BMP5: variants seen among roughly 807,000 people sequenced by gnomAD.
BMP5 encodes bone morphogenetic protein 5.
A neutral mutation model predicts 46.6 loss-of-function variants in BMP5; 23 were observed. The ratio of observed to expected loss-of-function variants is 0.49; its 90% CI spans 0.35 to 0.70. The LOEUF is 0.70. Ranked by LOEUF, BMP5 falls within the 30% of genes least tolerant of loss-of-function variation. The pLI, the probability that BMP5 is intolerant of heterozygous loss-of-function variation, is 0.00. For synonymous variants in BMP5, 204 were observed against 191.9 expected (o/e 1.06, Z -0.52); for missense variants, 545 against 565.6 (o/e 0.96, Z 0.37).
Position 55,874,401 on chromosome 6 carries a change from G to A in BMP5, c.465C>T (p.Asp155=). ...CTAAGTTGACAAAGCTCATGACCAT[G>A]TCAGCATCATTCAGAAAGTTGGTAT... The part of the protein sequence containing the change: ...LHDTNFLNDA[D]MVMSFVNLVE... Residue 155 remains aspartate, a synonymous_variant, in exon 1 of 7, where the codon GAC becomes GAT. Coordinates refer to ENST00000370830, the MANE Select transcript of BMP5 (RefSeq NM_021073.4). 1 of 1,613,152 alleles carries A rather than the reference G, an allele frequency of 6.2e-7. No homozygotes were observed. Among genetic ancestry groups the A allele is most frequent in the South Asian group, 1.1e-5 (1 of 91,066 alleles).
At chr6:55,788,069 T>A (rs750044674) in intron 3 of BMP5, among the ~76,000 whole-genome samples, 1 of 151,662 alleles carries the variant, frequency 6.6e-6, no homozygotes, top group Non-Finnish European at 1.5e-5. Flanking sequence ...AATTCAATTA[T>A]CTTTGTAAGA....
Position 55,874,707 on chromosome 6 carries a change from C to T in BMP5, c.159G>A (p.Arg53=), listed in dbSNP as rs2127557708. The T allele has an allele frequency of 6.2e-7, 1 of 1,613,506 alleles. No individual in the cohort carries two copies. The highest frequency in any genetic ancestry group is 2.2e-5 in the East Asian group (1 of 44,832). The stretch of plus-strand genomic sequence containing the variant: ...GCAAACCCAAGATAGAGAGAATTTC[C>T]CTTTGTATTTCCCGTCTTTCGTGGT... ...LRNHERREIQ[R]EILSILGLPH... is the part of the protein sequence containing the mutation. The change falls in exon 1 of 7, where the codon AGG becomes AGA. Residue 53 remains arginine (R), a synonymous_variant. Transcript: ENST00000370830.
chr6:55,792,596 A>T (rs1775599217), intron 3 of BMP5, among the ~76,000 whole-genome samples: 1 of 152,220 alleles, frequency 6.6e-6, no homozygotes, highest in African/African-American at 2.4e-5. Context: ...TAACCCTTTA[A>T]TATATTCAAT....
chr6:55,847,190 G>A (rs1777118082), intron 1 of BMP5, among the ~76,000 whole-genome samples: 1 of 151,876 alleles, frequency 6.6e-6, no homozygotes, highest in South Asian at 2.1e-4. Context: ...GAAATTCAAA[G>A]TCATTGCATT....
At chr6:55,852,867 C>T (rs1019540334) in intron 1 of BMP5, among the ~76,000 whole-genome samples, 2 of 152,086 alleles carry the variant, frequency 1.3e-5, no homozygotes, top group African/African-American at 2.4e-5. Context: ...CGCGGAGGCT[C>T]ACGCCTGTAA....
At position 55,834,883 on chromosome 6, in the gene BMP5, C is replaced by A. The variant is rs143117099; in HGVS notation, c.491-15036G>T. Reference sequence around the variant, plus strand: ...ACCACCTGAGGTCAGAAGTTCGAGACCAGCCTGGCTAACATGGCGAATCCA... The same window carrying A: ...ACCACCTGAGGTCAGAAGTTCGAGAACAGCCTGGCTAACATGGCGAATCCA... On this transcript the variant is annotated intron_variant, in intron 1 of 6. Transcript: ENST00000370830. Among the ~76,000 whole-genome samples the A allele has an allele frequency of 7.5e-4, 114 of 152,176 alleles. 1 individual carries two copies. The highest frequency in any genetic ancestry group is 1.5e-3 in the South Asian group (7 of 4,816).
intron 1 of BMP5, among the ~76,000 whole-genome samples, chr6:55,853,069 G>T (rs1777285226): frequency 6.6e-6 from 1 of 151,652 alleles, no homozygotes; most frequent in Non-Finnish European, 1.5e-5. Flanking sequence ...AGCGGAGATT[G>T]CAGTGAGCCG....
intron 1 of BMP5, among the ~76,000 whole-genome samples, chr6:55,853,915 C>T (rs1018117660): frequency 6.6e-6 from 1 of 152,108 alleles, no homozygotes; most frequent in Admixed American, 6.6e-5. Flanking sequence ...ACAAATACTA[C>T]CCTAAGTAAG....
At chr6:55,864,161 A>G (rs1777585953) in intron 1 of BMP5, among the ~76,000 whole-genome samples, 1 of 152,220 alleles carries the variant, frequency 6.6e-6, no homozygotes, top group African/African-American at 2.4e-5. Flanking sequence ...GAATATATCA[A>G]TAAATATGTA....
At chr6:55,856,503 G>A (rs1777402199) in intron 1 of BMP5, among the ~76,000 whole-genome samples, 2 of 152,076 alleles carry the variant, frequency 1.3e-5, no homozygotes, top group African/African-American at 2.4e-5. Context: ...CAATTTATAC[G>A]TGTTTTAGTT....
At chr6:55,827,979 CT>C (rs1401538304) in intron 1 of BMP5, among the ~76,000 whole-genome samples, 1 of 151,754 alleles carries the variant, frequency 6.6e-6, no homozygotes. Flanking sequence ...AAATCTGTTC[CT>C]TTTACAGATT....
chr6:55,818,923 G>GAGATAGATAGATAGAT (rs199818485), intron 2 of BMP5, among the ~76,000 whole-genome samples: 5 of 151,766 alleles, frequency 3.3e-5, no homozygotes, highest in African/African-American at 1.2e-4. Flanking sequence ...AGATACATGA[G>GAGATAGATAGATAGAT]AGATAGATAG....
intron 2 of BMP5, among the ~76,000 whole-genome samples, chr6:55,802,618 A>T (rs1208302024): frequency 6.6e-6 from 1 of 152,080 alleles, no homozygotes; most frequent in Non-Finnish European, 1.5e-5. Flanking sequence ...AAAGAAGGAA[A>T]TTATAAATAC....
At chr6:55,782,930 T>C (rs1489491459) in intron 3 of BMP5, among the ~76,000 whole-genome samples, 2 of 152,152 alleles carry the variant, frequency 1.3e-5, no homozygotes, top group East Asian at 1.9e-4. Flanking sequence ...TAAAGTAGTA[T>C]GCTTTTCCTC....
At chr6:55,856,220 C>A (rs1032962806) in intron 1 of BMP5, among the ~76,000 whole-genome samples, 6 of 152,070 alleles carry the variant, frequency 3.9e-5, no homozygotes, top group African/African-American at 1.2e-4. Flanking sequence ...AATTGTTCTC[C>A]CCTTTTAATG....
chr6:55,769,233 T>A (rs1349874903), intron 4 of BMP5, among the ~76,000 whole-genome samples: 2 of 151,892 alleles, frequency 1.3e-5, no homozygotes, highest in Admixed American at 1.3e-4. Context: ...GCACTTTACT[T>A]TGTGAAGGTC....
At chr6:55,793,359 G>A (rs1324683900) in intron 3 of BMP5, among the ~76,000 whole-genome samples, 1 of 152,080 alleles carries the variant, frequency 6.6e-6, no homozygotes, top group Non-Finnish European at 1.5e-5. Flanking sequence ...CAGATCCATT[G>A]AACACCTCAG....
chr6:55,763,603 C>T (rs961901290), intron 4 of BMP5, among the ~76,000 whole-genome samples: 1 of 152,080 alleles, frequency 6.6e-6, no homozygotes, highest in Non-Finnish European at 1.5e-5. Flanking sequence ...GATGGGCAGC[C>T]TTTAGGAGAT....
chr6:55,807,748 G>A (rs968780166), intron 2 of BMP5, among the ~76,000 whole-genome samples: 1 of 152,086 alleles, frequency 6.6e-6, no homozygotes, highest in Non-Finnish European at 1.5e-5. Flanking sequence ...ACTGTTATTG[G>A]TCTATTCAAG....
Sources: allele counts gnomAD v4.1 joint callset (sites outside exome capture counted in the v4.1 genomes callset), GRCh38; gene constraint gnomAD v4.1.1; transcripts MANE v1.5; gene names NCBI Gene and HGNC (gene_info 2026-07-23, HGNC 2026-07-21).